Variants in ADAM19 observed in about 807,000 individuals in gnomAD.
The protein encoded by ADAM19 is disintegrin and metalloproteinase domain-containing protein 19.
ADAM19 carries 65 observed loss-of-function variants against 114.7 expected under a neutral mutation model. That is an observed-to-expected ratio of 0.57 (90% CI 0.46 to 0.70). The LOEUF (loss-of-function observed/expected upper bound fraction) is 0.70. Ranked by LOEUF, ADAM19 falls within the 30% of genes least tolerant of loss-of-function variation. The pLI, the probability that ADAM19 is intolerant of heterozygous loss-of-function variation, is 0.00. For synonymous variants in ADAM19, 466 were observed against 460.5 expected (o/e 1.01, Z -0.15); for missense variants, 1,063 against 1,204.7 (o/e 0.88, Z 1.74).
intron 3 of ADAM19, among the ~76,000 whole-genome samples, chr5:157,541,230 A>G (rs1352110182): frequency 6.6e-6 from 1 of 152,226 alleles, no homozygotes; most frequent in Non-Finnish European, 1.5e-5. Flanking sequence ...CTGGCTCAGC[A>G]GACCGGCAGG....
At chr5:157,494,601 C>T in intron 15 of ADAM19, 86 bp downstream of exon 15, 1 of 1,109,774 alleles carries the variant, frequency 9.0e-7, no homozygotes, top group Non-Finnish European at 1.3e-6. Context: ...TGGGGCCAGT[C>T]ACACTGCTGA....
At chr5:157,528,068 G>A (rs1192941739) in intron 5 of ADAM19, among the ~76,000 whole-genome samples, 1 of 152,172 alleles carries the variant, frequency 6.6e-6, no homozygotes, top group Non-Finnish European at 1.5e-5. Flanking sequence ...CTGCAGCAGT[G>A]CTTTATGAGC....
At chr5:157,494,916 C>A in intron 14 of ADAM19, 121 bp from the exon 15 acceptor site, 1 of 684,340 alleles carries the variant, frequency 1.5e-6, no homozygotes. Flanking sequence ...TCAGCCTCTT[C>A]TTCCTGTTCC....
intron 3 of ADAM19, 86 bp downstream of exon 3, chr5:157,564,287 G>T: frequency 7.8e-7 from 1 of 1,282,030 alleles, no homozygotes; most frequent in Non-Finnish European, 1.1e-6. Context: ...TCCATTGACT[G>T]CTTCCTTCCA....
intron 3 of ADAM19, among the ~76,000 whole-genome samples, chr5:157,544,198 T>C (rs1195790135): frequency 6.6e-6 from 1 of 152,230 alleles, no homozygotes; most frequent in Non-Finnish European, 1.5e-5. Context: ...GGGACTCCCT[T>C]GAATAAGCAC....
intron 8 of ADAM19, among the ~76,000 whole-genome samples, chr5:157,511,150 G>A (rs547886105): frequency 6.6e-6 from 1 of 152,276 alleles, no homozygotes; most frequent in East Asian, 1.9e-4. Context: ...GATACAACGG[G>A]TTCTTTGATG....
rs1014492443 is a variant in ADAM19, at chr5:157,519,980, A to G, written c.459T>C (p.Pro153=). The change falls in exon 6 of 23, where the codon CCT becomes CCC. Residue 153 remains proline (P), a synonymous_variant. Transcript: ENST00000257527. ...SNLSYVIEPL[P]DSKGQHLIYR... Reference sequence around the variant, plus strand: ...AAATAAGGTGTTGGCCCTTGCTGTCAGGGAGGGGCTCGATGACGTAGCTGA... The same window carrying G: ...AAATAAGGTGTTGGCCCTTGCTGTCGGGGAGGGGCTCGATGACGTAGCTGA... 2.5e-6 allele frequency: 4 copies of G among 1,614,162 alleles called. No individual in the cohort carries two copies. In the African/African-American group the frequency reaches 4.0e-5, roughly 16 times the overall value.
At chr5:157,513,571 T>G in intron 7 of ADAM19, 66 bp from the exon 8 acceptor site, 1 of 1,415,712 alleles carries the variant, frequency 7.1e-7, no homozygotes, top group South Asian at 1.2e-5. Context: ...CTGCGCCCCA[T>G]TACTTGTCTT....
chr5:157,488,155 C>A (rs1755011592), intron 21 of ADAM19, 110 bp downstream of exon 21: 2 of 1,094,868 alleles, frequency 1.8e-6, no homozygotes, highest in Admixed American at 4.1e-5. Flanking sequence ...GCAGAAAAGG[C>A]AGTCAGCTCA....
rs758368854 is a variant in ADAM19 at position 157,491,839 on chromosome 5, T to G, written c.1982A>C (p.His661Pro). The change falls in exon 17 of 23, where the codon CAT becomes CCT. Residue 661 changes from histidine to proline, a missense_variant. By Grantham distance (77) the His-to-Pro change is moderately conservative. Coordinates refer to ENST00000257527, the MANE Select transcript of ADAM19 (RefSeq NM_033274.5). ...AAGCCAGAACCCAGCACGCACCCCATGGCCATTGCACTTCTTCCCACAGCC... is the reference window on the plus strand; with the variant it reads ...AAGCCAGAACCCAGCACGCACCCCAGGGCCATTGCACTTCTTCCCACAGCC... ...TEGCGKKCNGHGVCNNNQNCH... is the reference protein window; with the variant it reads ...TEGCGKKCNGPGVCNNNQNCH... The G allele has an allele frequency of 6.2e-7, 1 of 1,614,194 alleles. No individual in the cohort carries two copies. The highest frequency in any genetic ancestry group is 8.5e-7 in the Non-Finnish European group (1 of 1,180,024).
At chr5:157,550,005 A>G (rs1050361893) in intron 3 of ADAM19, among the ~76,000 whole-genome samples, 2 of 152,244 alleles carry the variant, frequency 1.3e-5, no homozygotes, top group Admixed American at 6.5e-5. Context: ...AAGACCACAT[A>G]TTGTATAATC....
chr5:157,481,669 TG>T, intron 22 of ADAM19, 121 bp downstream of exon 22: 1 of 1,551,774 alleles, frequency 6.4e-7, no homozygotes, highest in South Asian at 1.2e-5. Flanking sequence ...CCTTGGCTTT[TG>T]TTCTGGAAGT....
intron 5 of ADAM19, among the ~76,000 whole-genome samples, chr5:157,529,960 C>A (rs1756577386): frequency 6.6e-6 from 1 of 152,156 alleles, no homozygotes; most frequent in African/African-American, 2.4e-5. Flanking sequence ...CGTCCATTTC[C>A]TATTTCACCA....
intron 1 of ADAM19, chr5:157,572,234 C>T (rs770865004): frequency 1.7e-4 from 79 of 453,078 alleles, no homozygotes; most frequent in Middle Eastern, 1.4e-3. Context: ...TACAGGCACC[C>T]GCCACCACAC....
chr5:157,507,099 A>AG lies in ADAM19; in HGVS notation c.946dup (p.Leu316ProfsTer41). 6.2e-7 allele frequency: 1 copy of AG among 1,614,070 alleles called. No homozygotes were observed. The highest frequency in any genetic ancestry group is 8.5e-7 in the Non-Finnish European group (1 of 1,179,994). On this transcript the variant is annotated frameshift_variant, in exon 10 of 23. Transcript: ENST00000257527. LOFTEE classifies it high-confidence loss of function. ...CTGGTACACAGAGCACATGGCCATG[A>AG]GGGGGGCCAGGCCGATGGTGGTGCC... is the stretch of plus-strand genomic sequence containing the variant.
chr5:157,502,568 C>G (rs1180042567), intron 12 of ADAM19, among the ~76,000 whole-genome samples: 2 of 152,216 alleles, frequency 1.3e-5, no homozygotes, highest in Non-Finnish European at 2.9e-5. Context: ...TTAGACCAGA[C>G]ACTCATAAGA....
chr5:157,528,594 C>T (rs982049902), intron 5 of ADAM19, among the ~76,000 whole-genome samples: 1 of 152,130 alleles, frequency 6.6e-6, no homozygotes, highest in African/African-American at 2.4e-5. Flanking sequence ...CCATCCAAAG[C>T]CCATTTCCTG....
intron 5 of ADAM19, among the ~76,000 whole-genome samples, chr5:157,527,775 A>T (rs1408884237): frequency 2.0e-5 from 3 of 152,344 alleles, no homozygotes; most frequent in South Asian, 4.1e-4. Flanking sequence ...GAAGGGGGAA[A>T]ATCTGGAAAT....
rs1417449299 is a variant in ADAM19 at position 157,513,481 on chromosome 5, C to T, written c.691G>A (p.Asp231Asn). The T allele has an allele frequency of 5.0e-6, 8 of 1,614,088 alleles. No individual in the cohort carries two copies. The South Asian group carries it at 8.8e-5, about 18-fold the overall frequency. Residue 231 changes from aspartate to asparagine, a missense_variant, in exon 8 of 23, where the codon GAC becomes AAC. Physicochemically the swap from Asp to Asn is conservative, Grantham distance 23. Transcript: ENST00000257527. ...LEFQKNRRDQDATKHKLIEIA... is the reference protein window; with the variant it reads ...LEFQKNRRDQNATKHKLIEIA... ...TCTATGAGCTTGTGTTTGGTGGCGT[C>T]CTGGTCTCGTCGATTCTTCTGAAAC...
Sources: allele counts gnomAD v4.1 joint callset (sites outside exome capture counted in the v4.1 genomes callset), GRCh38; gene constraint gnomAD v4.1.1; transcripts MANE v1.5; gene names NCBI Gene and HGNC (gene_info 2026-07-23, HGNC 2026-07-21).